The following MAP3K15 variants were observed in gnomAD, a reference collection of about 807,000 sequenced individuals.
MAP3K15 encodes the protein mitogen-activated protein kinase kinase kinase 15, also known as MAPK/ERK kinase kinase 15.
In MAP3K15, 124 loss-of-function variants were observed where a neutral mutation model predicts 99.5. The observed-to-expected ratio is 1.25, with a 90% CI of 1.08 to 1.45. The LOEUF (loss-of-function observed/expected upper bound fraction) is 1.45. Ranked by LOEUF, MAP3K15 falls within the 40% of genes most tolerant of loss-of-function variation. MAP3K15 has a pLI of 0.00. For missense variants in MAP3K15, 1,242 were observed against 1,079.7 expected (o/e 1.15, Z -2.11); for synonymous variants, 494 against 439.6 (o/e 1.12, Z -1.55).
chrX:19,364,145 CCT>C (rs935816854), intron 25 of MAP3K15, among the ~76,000 whole-genome samples: 3 of 112,023 alleles, frequency 2.7e-5, no homozygotes, highest in East Asian at 5.6e-4. Flanking sequence ...GTTCTAAACC[CCT>C]GTTTTGAAGC....
Position 19,515,013 on chromosome X carries a change from C to T in MAP3K15, c.249G>A (p.Ala83=). Residue 83 remains alanine, a synonymous_variant, in exon 1 of 29, where the codon GCG becomes GCA. Coordinates refer to ENST00000338883, the MANE Select transcript of MAP3K15 (RefSeq NM_001001671.4). The part of the protein sequence containing the change: ...GGAAGGPEAG[A]RQCLLRACEA... ...CGCAGGCCCGCAGCAGGCACTGCCGCGCCCCAGCCTCCGGGCCGCCGGCCG... is the reference window on the plus strand; with the variant it reads ...CGCAGGCCCGCAGCAGGCACTGCCGTGCCCCAGCCTCCGGGCCGCCGGCCG... 1 of 1,091,545 alleles carries T rather than the reference C, an allele frequency of 9.2e-7. No homozygotes were observed. 90.0% of individuals were successfully genotyped at this position (1,091,545 alleles called of 1,213,427 possible).
At chrX:19,441,498 C>G (rs1472437118) in intron 6 of MAP3K15, among the ~76,000 whole-genome samples, 1 of 111,789 alleles carries the variant, frequency 8.9e-6, no homozygotes, top group Non-Finnish European at 1.9e-5. Context: ...GTCTTTGAGA[C>G]AGGGTTTGGG....
At chrX:19,411,261 T>C (rs1241629813) in intron 11 of MAP3K15, among the ~76,000 whole-genome samples, 1 of 111,379 alleles carries the variant, frequency 9.0e-6, no homozygotes, top group Non-Finnish European at 1.9e-5. Flanking sequence ...GGAAGAAAAG[T>C]ATGAGAACCA....
Position 19,478,202 on chromosome X carries a change from G to C in MAP3K15, c.525+8280C>G, listed in dbSNP as rs142437479. 5.3e-3 allele frequency among the ~76,000 whole-genome samples: 340 copies of C among 64,539 alleles called. 11 individuals carry two copies. The East Asian group carries it at 0.06, about 11-fold the overall frequency. 56.0% of individuals were successfully genotyped at this position (64,539 alleles called of 115,157 possible). ...AGAGAGAGAGGGAAGGAGGGGGAGA[G>C]AGAAAGAGGGAGGGAGAGAGAAAGA... On this transcript the variant is annotated intron_variant, in intron 3 of 28. Coordinates refer to ENST00000338883, the MANE Select transcript of MAP3K15 (RefSeq NM_001001671.4).
intron 28 of MAP3K15, 32 bp downstream of exon 28, chrX:19,361,306 AT>A: frequency 9.0e-7 from 1 of 1,109,289 alleles, no homozygotes; most frequent in African/African-American, 1.8e-5. Flanking sequence ...AAAAAGTTGT[AT>A]TCTCTTATAC....
At chrX:19,403,694 C>T (rs1221019492) in intron 13 of MAP3K15, among the ~76,000 whole-genome samples, 1 of 108,086 alleles carries the variant, frequency 9.3e-6, no homozygotes, top group African/African-American at 3.4e-5. Flanking sequence ...TCTCGAACTG[C>T]CCACTCAAGC....
intron 18 of MAP3K15, among the ~76,000 whole-genome samples, chrX:19,389,772 G>C (rs1343458424): frequency 8.9e-6 from 1 of 111,825 alleles, no homozygotes; most frequent in East Asian, 2.8e-4. Context: ...ATAACTCCTT[G>C]TCATATCAGA....
intron 6 of MAP3K15, among the ~76,000 whole-genome samples, chrX:19,438,310 G>T (rs903175944): frequency 9.0e-6 from 1 of 111,220 alleles, no homozygotes; most frequent in African/African-American, 3.3e-5. Context: ...GTCTCACTAT[G>T]TGGCCCAGGC....
chrX:19,371,313 G>A (rs1460468906), intron 23 of MAP3K15, 32 bp downstream of exon 23: 3 of 1,184,124 alleles, frequency 2.5e-6, no homozygotes, highest in Non-Finnish European at 3.4e-6. Context: ...CCAAGATCTG[G>A]TGTGTTCCCT....
intron 6 of MAP3K15, among the ~76,000 whole-genome samples, chrX:19,450,007 T>G (rs2064026333): frequency 9.2e-6 from 1 of 109,264 alleles, no homozygotes; most frequent in Admixed American, 9.7e-5. Flanking sequence ...ACCTGCTTCG[T>G]GCCAGGAGTA....
chrX:19,397,168 T>C (rs927400348), intron 15 of MAP3K15, among the ~76,000 whole-genome samples: 1 of 111,243 alleles, frequency 9.0e-6, no homozygotes, highest in Admixed American at 9.6e-5. Flanking sequence ...CCTCCCAAAG[T>C]GCTGGGATTA....
chrX:19,473,220 A>G (rs2064219403), intron 3 of MAP3K15, among the ~76,000 whole-genome samples: 1 of 112,404 alleles, frequency 8.9e-6, no homozygotes, highest in Non-Finnish European at 1.9e-5. Flanking sequence ...AGAAAGTTTA[A>G]GAAATTTGGC....
intron 9 of MAP3K15, among the ~76,000 whole-genome samples, chrX:19,421,833 T>C (rs1172650843): frequency 1.5e-4 from 16 of 109,766 alleles, no homozygotes; most frequent in Middle Eastern, 4.7e-3. Flanking sequence ...AAAACAGAGA[T>C]ATAGACCAAT....
At chrX:19,366,473 C>A (rs2063335655) in intron 25 of MAP3K15, among the ~76,000 whole-genome samples, 1 of 111,738 alleles carries the variant, frequency 8.9e-6, no homozygotes. Flanking sequence ...TCCCATAATT[C>A]CCTTGTGTTG....
intron 6 of MAP3K15, among the ~76,000 whole-genome samples, chrX:19,435,073 G>A (rs1047631938): frequency 2.7e-5 from 3 of 111,682 alleles, no homozygotes; most frequent in Admixed American, 1.9e-4. Context: ...ATTTACTAGA[G>A]CATTTAAATA....
At position 19,360,360 on chromosome X, in the gene MAP3K15, G is replaced by A. The variant is rs150945967; in HGVS notation, c.*389C>T. The A allele has an allele frequency of 2.0e-4, 32 of 156,963 alleles. No homozygotes were observed. In the East Asian group the frequency reaches 6.4e-3, roughly 31 times the overall value. 12.9% of individuals were successfully genotyped at this position (156,963 alleles called of 1,213,427 possible). A position where few individuals can be genotyped will look rare whatever the true frequency, so the allele number is the denominator to read the frequency against. On this transcript the variant is annotated 3_prime_UTR_variant, in exon 29 of 29. Transcript: ENST00000338883. ...ACCATTCCAGCAAGTGCTGAAGGGTGTACTTTTTTTGAGACAGGGTCGGGC... is the reference window on the plus strand; with the variant it reads ...ACCATTCCAGCAAGTGCTGAAGGGTATACTTTTTTTGAGACAGGGTCGGGC...
intron 25 of MAP3K15, among the ~76,000 whole-genome samples, chrX:19,366,921 T>A (rs151041765): frequency 0.043 from 4,775 of 111,698 alleles, 242 homozygotes; most frequent in African/African-American, 0.15. Flanking sequence ...TTCAAACCCA[T>A]ATATAATCAT....
In MAP3K15 at chrX:19,373,600, C is replaced by T. The variant is rs544540070; in HGVS notation, c.2869G>A (p.Ala957Thr). ...CTCTCAAAGAGTGCGTCAGGCTGGG[C>T]GTCGGAGTCTGGGGAGACAGAGCCG... ...EHGSVSPDSD[A>T]QPDALFERTR... is the part of the protein sequence containing the mutation. The change falls in exon 21 of 29, where the codon GCC (alanine) becomes ACC (threonine). Residue 957 changes from alanine to threonine, a missense_variant. Physicochemically the swap from Ala to Thr is moderately conservative, Grantham distance 58. Transcript: ENST00000338883. 2.8e-5 allele frequency: 33 copies of T among 1,184,599 alleles called. No individual in the cohort carries two copies. In the East Asian group the frequency reaches 4.3e-4, roughly 15 times the overall value.
In MAP3K15 at chrX:19,372,698, C is replaced by G; in HGVS notation, c.3063G>C (p.Glu1021Asp). The G allele has an allele frequency of 2.5e-6, 3 of 1,211,420 alleles. No individual in the cohort carries two copies. The highest frequency in any genetic ancestry group is 3.4e-6 in the Non-Finnish European group (3 of 895,283). The change falls in exon 22 of 29, where the codon GAG becomes GAC. Residue 1021 changes from glutamate (E) to aspartate (D), a missense_variant. Glu to Asp is a conservative substitution (Grantham distance 45). Transcript: ENST00000338883. ...RRAILYKILWEEQNQVASNLQ... is the reference protein window; with the variant it reads ...RRAILYKILWDEQNQVASNLQ... Reference sequence around the variant, plus strand: ...GGTTGGAAGCCACCTGGTTCTGCTCCTCCCAGAGGATTTTGTACAGGATGG... The same window carrying G: ...GGTTGGAAGCCACCTGGTTCTGCTCGTCCCAGAGGATTTTGTACAGGATGG...
Sources: allele counts gnomAD v4.1 joint callset (sites outside exome capture counted in the v4.1 genomes callset), GRCh38; gene constraint gnomAD v4.1.1; transcripts MANE v1.5; gene names NCBI Gene and HGNC (gene_info 2026-07-23, HGNC 2026-07-21).